KCMF1: variants seen among roughly 807,000 people sequenced by gnomAD.
The protein encoded by KCMF1 is E3 ubiquitin-protein ligase KCMF1.
In KCMF1, 3 loss-of-function variants were observed where a neutral mutation model predicts 41.1. The ratio of observed to expected loss-of-function variants is 0.07; its 90% CI spans 0.03 to 0.19. The LOEUF (loss-of-function observed/expected upper bound fraction) is 0.19, where lower values mean the gene tolerates loss of function less well. Among genes scored for constraint, KCMF1 ranks in the 10% least tolerant of loss-of-function variants. The probability of loss-of-function intolerance (pLI) is 1.00; values close to 1 mark genes in which losing one functional copy is unlikely to be tolerated. For synonymous variants in KCMF1, 142 were observed against 164.5 expected (o/e 0.86, Z 1.04); for missense variants, 286 against 488.9 (o/e 0.58, Z 3.91).
chr2:84,983,174 A>G (rs1276824071), intron 1 of KCMF1, among the ~76,000 whole-genome samples: 2 of 152,240 alleles, frequency 1.3e-5, no homozygotes, highest in Non-Finnish European at 2.9e-5. Flanking sequence ...TGTAAGCCAC[A>G]TACATAATCT....
At position 85,055,963 on chromosome 2, in the gene KCMF1, A is replaced by G. The variant is rs189708017; in HGVS notation, c.*2554A>G. 9 of 152,316 alleles carry G rather than the reference A, an allele frequency of 5.9e-5. 1 individual carries two copies. The East Asian group carries it at 1.7e-3, about 29-fold the overall frequency. 9.4% of individuals were successfully genotyped at this position (152,316 alleles called of 1,614,324 possible). A position where few individuals can be genotyped will look rare whatever the true frequency, so the allele number is the denominator to read the frequency against. On this transcript the variant is annotated 3_prime_UTR_variant, in exon 7 of 7. Transcript: ENST00000409785. Reference sequence around the variant, plus strand: ...TACTTCCTGTTTAGAAATCATTTAAATCTTTCCCCTCGAGGTGCTCTGGAA... The same window carrying G: ...TACTTCCTGTTTAGAAATCATTTAAGTCTTTCCCCTCGAGGTGCTCTGGAA...
At chr2:84,972,723 G>A (rs1673432009) in intron 1 of KCMF1, among the ~76,000 whole-genome samples, 1 of 152,216 alleles carries the variant, frequency 6.6e-6, no homozygotes. Context: ...GATTAAAATT[G>A]TATTTAGAAC....
chr2:85,045,991 C>T lies in KCMF1; in HGVS notation c.427-113C>T. 3.6e-6 allele frequency: 3 copies of T among 838,854 alleles called. No homozygotes were observed. In the South Asian group the frequency reaches 5.6e-5, roughly 16 times the overall value. 52.0% of individuals were successfully genotyped at this position (838,854 alleles called of 1,614,324 possible). On this transcript the variant is annotated intron_variant, in intron 4 of 6. Transcript: ENST00000409785. Reference sequence around the variant, plus strand: ...ACATTTGCACTTTAAGTTAAATGTGCTGTTTTTAAATGCTTACAATTCAGG... The same window carrying T: ...ACATTTGCACTTTAAGTTAAATGTGTTGTTTTTAAATGCTTACAATTCAGG...
At position 85,026,459 on chromosome 2, in the gene KCMF1, T is replaced by TTTATTATTATTA. The variant is rs35093562; in HGVS notation, c.17-1403_17-1392dup. ...GCCCTGTTCAAGCTTCTTTCTTTCCTTTATTATTATTATTATTATTATTAT... is the reference window on the plus strand; with the variant it reads ...GCCCTGTTCAAGCTTCTTTCTTTCCTTTATTATTATTATTATTATTATTATTATTATTATTAT... On this transcript the variant is annotated intron_variant, in intron 1 of 6. Transcript: ENST00000409785. 1.2e-3 allele frequency among the ~76,000 whole-genome samples: 171 copies of TTTATTATTATTA among 139,346 alleles called. 1 individual carries two copies. Among genetic ancestry groups the TTTATTATTATTA allele is most frequent in the East Asian group, 3.1e-3 (15 of 4,856 alleles). 91.4% of individuals were successfully genotyped at this position (139,346 alleles called of 152,430 possible).
intron 1 of KCMF1, among the ~76,000 whole-genome samples, chr2:84,982,690 G>A (rs1673796849): frequency 6.6e-6 from 1 of 152,076 alleles, no homozygotes; most frequent in Non-Finnish European, 1.5e-5. Flanking sequence ...GAGCCACCAT[G>A]CCCGGCCCTT....
At chr2:84,976,666 A>G (rs1028138609) in intron 1 of KCMF1, among the ~76,000 whole-genome samples, 2 of 151,820 alleles carry the variant, frequency 1.3e-5, no homozygotes, top group Admixed American at 6.6e-5. Flanking sequence ...TTGAGATTTC[A>G]AGTAGAGTCC....
rs1675874600 is a variant in KCMF1, at chr2:85,054,093, C to T, written c.*684C>T. On this transcript the variant is annotated 3_prime_UTR_variant, in exon 7 of 7. Transcript: ENST00000409785. ...AGCTCAGCCTGTCTCTTTAACTCAT[C>T]TGTAGAAGACACACCAGTAAAGCTA... 1 of 152,182 alleles carries T rather than the reference C, an allele frequency of 6.6e-6. No individual in the cohort carries two copies. Among genetic ancestry groups the T allele is most frequent in the Non-Finnish European group, 1.5e-5 (1 of 68,048 alleles). 9.4% of individuals were successfully genotyped at this position (152,182 alleles called of 1,614,324 possible).
intron 1 of KCMF1, among the ~76,000 whole-genome samples, chr2:84,973,825 C>CTTTTTTT (rs1238178193): frequency 5.4e-5 from 6 of 110,272 alleles, no homozygotes; most frequent in Non-Finnish European, 7.5e-5. Context: ...TTATTTCTTT[C>CTTTTTTT]TTTTTTTTTT....
At chr2:85,004,207 A>G (rs1674407766) in intron 1 of KCMF1, among the ~76,000 whole-genome samples, 1 of 152,262 alleles carries the variant, frequency 6.6e-6, no homozygotes, top group African/African-American at 2.4e-5. Flanking sequence ...GGATAACTGA[A>G]ACCTCAGAAA....
intron 1 of KCMF1, among the ~76,000 whole-genome samples, chr2:85,011,964 A>G (rs908459695): frequency 6.6e-6 from 1 of 152,224 alleles, no homozygotes; most frequent in Non-Finnish European, 1.5e-5. Flanking sequence ...CTAGGGGGCA[A>G]CATGGCCACT....
chr2:85,051,335 A>G (rs1179187529), intron 6 of KCMF1, among the ~76,000 whole-genome samples: 3 of 152,172 alleles, frequency 2.0e-5, no homozygotes, highest in African/African-American at 4.8e-5. Context: ...GAGATCTACT[A>G]GCGTGCATTT....
chr2:85,050,810 A>T (rs1423736066), intron 6 of KCMF1, among the ~76,000 whole-genome samples: 1 of 152,228 alleles, frequency 6.6e-6, no homozygotes, highest in African/African-American at 2.4e-5. Flanking sequence ...TTTATCTCAT[A>T]CTCTGTTAAT....
intron 1 of KCMF1, among the ~76,000 whole-genome samples, chr2:84,974,238 A>T (rs1673473642): frequency 6.6e-6 from 1 of 152,190 alleles, no homozygotes; most frequent in Non-Finnish European, 1.5e-5. Flanking sequence ...TGGATATAAT[A>T]GTCTGGTAAA....
intron 1 of KCMF1, among the ~76,000 whole-genome samples, chr2:85,008,381 T>TATTATA (rs369479422): frequency 5.3e-5 from 1 of 19,034 alleles, no homozygotes; most frequent in Non-Finnish European, 2.0e-4. Flanking sequence ...ATATGATATA[T>TATTATA]TATATATGAT....
chr2:85,036,104 T>G (rs931774143), intron 3 of KCMF1, among the ~76,000 whole-genome samples: 5 of 152,170 alleles, frequency 3.3e-5, no homozygotes, highest in African/African-American at 9.7e-5. Flanking sequence ...GCATATAATA[T>G]AGGGTTACTT....
At chr2:85,009,883 T>C (rs1674612240) in intron 1 of KCMF1, among the ~76,000 whole-genome samples, 1 of 152,222 alleles carries the variant, frequency 6.6e-6, no homozygotes, top group Non-Finnish European at 1.5e-5. Flanking sequence ...TTTATCCATC[T>C]TCTATCCTTC....
At chr2:85,034,455 A>G (rs901351739) in intron 2 of KCMF1, among the ~76,000 whole-genome samples, 1 of 152,212 alleles carries the variant, frequency 6.6e-6, no homozygotes, top group African/African-American at 2.4e-5. Flanking sequence ...TTAGAGCCAG[A>G]TGTGAAATGA....
intron 1 of KCMF1, among the ~76,000 whole-genome samples, chr2:85,004,627 A>G (rs1360763751): frequency 6.6e-6 from 1 of 152,100 alleles, no homozygotes; most frequent in African/African-American, 2.4e-5. Flanking sequence ...TGTGAGAACA[A>G]CTGAATTTTT....
chr2:85,041,454 T>C (rs1675533205), intron 3 of KCMF1, among the ~76,000 whole-genome samples: 1 of 152,326 alleles, frequency 6.6e-6, no homozygotes, highest in South Asian at 2.1e-4. Flanking sequence ...GTGGAGACTT[T>C]TCTCATCTAC....
Sources: gnomAD v4.1 joint callset for allele counts (sites outside exome capture counted in the v4.1 genomes callset) on GRCh38, gnomAD v4.1.1 for gene constraint, MANE v1.5 for transcripts, NCBI Gene and HGNC (gene_info 2026-07-23, HGNC 2026-07-21) for gene names.